HECTD2: variants seen among roughly 807,000 people sequenced by gnomAD.
The protein encoded by HECTD2 is probable E3 ubiquitin-protein ligase HECTD2.
HECTD2 carries 35 observed loss-of-function variants against 103.2 expected under a neutral mutation model. That is an observed-to-expected ratio of 0.34 (90% CI 0.26 to 0.45). The LOEUF is 0.45. Among genes scored for constraint, HECTD2 ranks in the 20% least tolerant of loss-of-function variants. The pLI, the probability that HECTD2 is intolerant of heterozygous loss-of-function variation, is 1.00. For missense variants in HECTD2, 596 were observed against 937.4 expected (o/e 0.64, Z 4.76); for synonymous variants, 281 against 329.9 (o/e 0.85, Z 1.61).
intron 2 of HECTD2, among the ~76,000 whole-genome samples, chr10:91,444,064 A>G (rs1211850856): frequency 1.3e-5 from 2 of 152,016 alleles, no homozygotes; most frequent in East Asian, 1.9e-4. Context: ...TCTCTTCAAC[A>G]CCAGTCTTAT....
intron 6 of HECTD2, among the ~76,000 whole-genome samples, chr10:91,480,028 T>G (rs1043881591): frequency 6.6e-5 from 10 of 152,272 alleles, no homozygotes; most frequent in Non-Finnish European, 1.3e-4. Context: ...TTGACCTTTT[T>G]GTATTATATT....
At chr10:91,491,155 A>G in intron 11 of HECTD2, 45 bp from the exon 12 acceptor site, 1 of 879,290 alleles carries the variant, frequency 1.1e-6, no homozygotes, top group Non-Finnish European at 1.9e-6. Flanking sequence ...AAATGAAATT[A>G]TAGTCTAAGT....
At chr10:91,468,203 C>A (rs1257736940) in intron 5 of HECTD2, among the ~76,000 whole-genome samples, 1 of 152,156 alleles carries the variant, frequency 6.6e-6, no homozygotes, top group African/African-American at 2.4e-5. Context: ...TTTGGCACAG[C>A]AGGTTCCTAA....
At position 91,493,494 on chromosome 10, in the gene HECTD2, C is replaced by T. The variant is rs779018024; in HGVS notation, c.1507C>T (p.Arg503Ter). The T allele has an allele frequency of 1.3e-6, 2 of 1,539,204 alleles. No individual in the cohort carries two copies. The highest frequency in any genetic ancestry group is 1.9e-5 in the Admixed American group (1 of 51,352). The change falls in exon 14 of 21, where the codon CGA becomes TGA. Residue 503 changes from arginine to a stop codon, truncating the protein, a stop_gained. Coordinates refer to ENST00000298068, the MANE Select transcript of HECTD2 (RefSeq NM_182765.6). LOFTEE classifies it high-confidence loss of function. ...TAAATGTGATAACTATTCTGAATTC[C>T]GATTGGTTGGAATTGTATCCTTTAA... ...SFKCDNYSEF[R>*]LVGILMGLAV...
chr10:91,418,019 C>T (rs1477697688), intron 1 of HECTD2, among the ~76,000 whole-genome samples: 1 of 152,086 alleles, frequency 6.6e-6, no homozygotes, highest in Non-Finnish European at 1.5e-5. Context: ...ACATCCTCTC[C>T]AGCACCTGTT....
intron 2 of HECTD2, among the ~76,000 whole-genome samples, chr10:91,437,969 A>T: frequency 6.6e-6 from 1 of 152,138 alleles, no homozygotes. Context: ...AAAACAATTT[A>T]TTAGAGCATA....
chr10:91,493,164 T>C (rs932509272), intron 13 of HECTD2, among the ~76,000 whole-genome samples: 10 of 151,594 alleles, frequency 6.6e-5, no homozygotes, highest in African/African-American at 2.4e-4. Context: ...TCTATCTTTT[T>C]ACCCTGTTTC....
At chr10:91,470,496 C>T (rs1376538410) in intron 5 of HECTD2, among the ~76,000 whole-genome samples, 5 of 152,024 alleles carry the variant, frequency 3.3e-5, no homozygotes, top group East Asian at 1.9e-4. Flanking sequence ...AGAAATGTAT[C>T]GAAACTAATG....
chr10:91,430,708 C>CT (rs1208122490), intron 2 of HECTD2, among the ~76,000 whole-genome samples: 1 of 151,784 alleles, frequency 6.6e-6, no homozygotes, highest in Non-Finnish European at 1.5e-5. Context: ...CAACCTCTGC[C>CT]TTTTTTTGTT....
intron 5 of HECTD2, among the ~76,000 whole-genome samples, chr10:91,477,462 A>G (rs1341792997): frequency 6.6e-6 from 1 of 152,158 alleles, no homozygotes; most frequent in Non-Finnish European, 1.5e-5. Flanking sequence ...TTTGTTGCTC[A>G]GGGGCAAACA....
intron 2 of HECTD2, among the ~76,000 whole-genome samples, chr10:91,428,461 C>G (rs1250387629): frequency 6.6e-6 from 1 of 151,938 alleles, no homozygotes; most frequent in South Asian, 2.1e-4. Flanking sequence ...TATAAATTAC[C>G]TTGGGCAGTA....
Position 91,460,519 on chromosome 10 carries a change from C to A in HECTD2, c.361C>A (p.Pro121Thr). The change falls in exon 3 of 21, where the codon CCA becomes ACA. Residue 121 changes from proline to threonine, a missense_variant. By Grantham distance (38) the Pro-to-Thr change is conservative. This residue lies in a region of HECTD2 where 220 missense variants were observed against 233.9 expected (regional missense o/e 0.94). Coordinates refer to ENST00000298068, the MANE Select transcript of HECTD2 (RefSeq NM_182765.6). ...SSSEMKAPVLPEPILPIQPKT... is the reference protein window; with the variant it reads ...SSSEMKAPVLTEPILPIQPKT... ...ATCCGAAATGAAGGCCCCAGTCCTT[C>A]CAGAACCTATTCTTCCTATCCAGCC... 2 of 1,612,646 alleles carry A rather than the reference C, an allele frequency of 1.2e-6. No individual in the cohort carries two copies. The highest frequency in any genetic ancestry group is 8.5e-7 in the Non-Finnish European group (1 of 1,179,228).
At chr10:91,412,111 TATATC>T (rs889799200) in intron 1 of HECTD2, among the ~76,000 whole-genome samples, 5 of 152,320 alleles carry the variant, frequency 3.3e-5, no homozygotes, top group Admixed American at 2.6e-4. Context: ...ATTCGGTACA[TATATC>T]ATATATTATT....
intron 5 of HECTD2, among the ~76,000 whole-genome samples, chr10:91,468,711 C>T (rs1172075748): frequency 6.6e-6 from 1 of 151,942 alleles, no homozygotes; most frequent in African/African-American, 2.4e-5. Context: ...TAAGAAAGAA[C>T]CAAATTGATC....
At chr10:91,443,939 G>A (rs1844479892) in intron 2 of HECTD2, among the ~76,000 whole-genome samples, 1 of 152,078 alleles carries the variant, frequency 6.6e-6, no homozygotes, top group Non-Finnish European at 1.5e-5. Flanking sequence ...TTACAAATAA[G>A]TAAAATTAGG....
chr10:91,451,489 T>C (rs1844825451), intron 2 of HECTD2, among the ~76,000 whole-genome samples: 1 of 152,002 alleles, frequency 6.6e-6, no homozygotes, highest in African/African-American at 2.4e-5. Context: ...CTGCACGTTC[T>C]GCACATGTAT....
intron 2 of HECTD2, among the ~76,000 whole-genome samples, chr10:91,454,425 A>T (rs1844976986): frequency 6.6e-6 from 1 of 152,134 alleles, no homozygotes; most frequent in Admixed American, 6.6e-5. Context: ...TTGGTCAAAG[A>T]TGAAGTCTCA....
intron 8 of HECTD2, chr10:91,484,110 C>T (rs1846186684): frequency 2.1e-6 from 1 of 471,132 alleles, no homozygotes; most frequent in Non-Finnish European, 3.7e-6. Flanking sequence ...ATCACTTTGA[C>T]CTCAGCTGGA....
chr10:91,422,774 C>G (rs573458184), intron 1 of HECTD2, among the ~76,000 whole-genome samples: 2 of 152,160 alleles, frequency 1.3e-5, no homozygotes, highest in Admixed American at 1.3e-4. Context: ...TCAATTTTCT[C>G]TCTTATCTTT....
Sources: allele counts gnomAD v4.1 joint callset (sites outside exome capture counted in the v4.1 genomes callset), GRCh38; gene constraint gnomAD v4.1.1; regional missense constraint gnomAD v4.1.1; transcripts MANE v1.5; gene names NCBI Gene and HGNC (gene_info 2026-07-23, HGNC 2026-07-21).